Variants in BICC1 observed in about 807,000 individuals in gnomAD.
BICC1 encodes the protein protein bicaudal C homolog 1.
In BICC1, 43 loss-of-function variants were observed where a neutral mutation model predicts 111.0. The observed-to-expected ratio is 0.39, with a 90% CI of 0.30 to 0.50. BICC1 has a LOEUF of 0.50. Among genes scored for constraint, BICC1 ranks in the 20% least tolerant of loss-of-function variants. BICC1 has a pLI of 0.88. For missense variants in BICC1, 1,091 were observed against 1,203.2 expected (o/e 0.91, Z 1.38); for synonymous variants, 467 against 434.4 (o/e 1.07, Z -0.93).
chr10:58,605,692 T>C (rs1219482257), intron 1 of BICC1, among the ~76,000 whole-genome samples: 1 of 152,238 alleles, frequency 6.6e-6, no homozygotes, highest in Non-Finnish European at 1.5e-5. Context: ...ATGCAAATAG[T>C]TGTTATACTG....
intron 1 of BICC1, among the ~76,000 whole-genome samples, chr10:58,553,921 C>A (rs1286524167): frequency 6.6e-6 from 1 of 151,954 alleles, no homozygotes; most frequent in Non-Finnish European, 1.5e-5. Flanking sequence ...AGAGTCTTAA[C>A]TTCTTGGTTA....
chr10:58,625,086 G>A (rs765797877), intron 2 of BICC1, among the ~76,000 whole-genome samples: 8 of 151,868 alleles, frequency 5.3e-5, no homozygotes, highest in South Asian at 2.1e-4. Flanking sequence ...TTTATTCTTC[G>A]GCTCTGACTA....
At chr10:58,597,596 G>A (rs1844859230) in intron 1 of BICC1, among the ~76,000 whole-genome samples, 1 of 152,080 alleles carries the variant, frequency 6.6e-6, no homozygotes. Context: ...ACCCTAGTAA[G>A]CCTGAGGGTA....
intron 1 of BICC1, among the ~76,000 whole-genome samples, chr10:58,564,687 C>G (rs1843703678): frequency 6.6e-6 from 1 of 152,148 alleles, no homozygotes; most frequent in Non-Finnish European, 1.5e-5. Flanking sequence ...CCAAACTAGT[C>G]TGTTGGGATG....
chr10:58,655,142 C>T (rs1162722034), intron 2 of BICC1, among the ~76,000 whole-genome samples: 2 of 141,466 alleles, frequency 1.4e-5, no homozygotes, highest in African/African-American at 5.2e-5. Flanking sequence ...ATTCTTTTGG[C>T]TTAAGATTGC....
At chr10:58,516,372 G>A (rs920010474) in intron 1 of BICC1, among the ~76,000 whole-genome samples, 1 of 152,094 alleles carries the variant, frequency 6.6e-6, no homozygotes, top group Non-Finnish European at 1.5e-5. Flanking sequence ...TAATATATGG[G>A]CAATAGGGTA....
chr10:58,539,380 A>T (rs984427179), intron 1 of BICC1, among the ~76,000 whole-genome samples: 5 of 151,500 alleles, frequency 3.3e-5, no homozygotes, highest in African/African-American at 1.2e-4. Flanking sequence ...TACATTGGAG[A>T]CTCAGAAGGC....
intron 1 of BICC1, among the ~76,000 whole-genome samples, chr10:58,588,151 G>A (rs945658862): frequency 2.0e-5 from 3 of 152,154 alleles, no homozygotes; most frequent in Non-Finnish European, 2.9e-5. Context: ...TATGCTCTAT[G>A]TATCTTATTC....
intron 2 of BICC1, among the ~76,000 whole-genome samples, chr10:58,688,336 C>T (rs902219762): frequency 6.6e-6 from 1 of 152,046 alleles, no homozygotes; most frequent in African/African-American, 2.4e-5. Context: ...ATTTACAAAC[C>T]TTTAGCTAGA....
chr10:58,551,764 C>T (rs1192637783), intron 1 of BICC1, among the ~76,000 whole-genome samples: 20 of 151,970 alleles, frequency 1.3e-4, no homozygotes, highest in Admixed American at 1.2e-3. Flanking sequence ...TTTCTCTGAC[C>T]TTAGGACTTT....
At chr10:58,591,010 T>C (rs1258050251) in intron 1 of BICC1, among the ~76,000 whole-genome samples, 1 of 152,182 alleles carries the variant, frequency 6.6e-6, no homozygotes, top group East Asian at 1.9e-4. Flanking sequence ...CCCCCCTCCC[T>C]TCCCTCAAAG....
At chr10:58,686,456 A>G (rs1193315811) in intron 2 of BICC1, among the ~76,000 whole-genome samples, 1 of 152,060 alleles carries the variant, frequency 6.6e-6, no homozygotes, top group Non-Finnish European at 1.5e-5. Flanking sequence ...ATCCTGAAGA[A>G]TGTTTTCCAA....
chr10:58,692,059 G>C (rs2132412467), intron 2 of BICC1, among the ~76,000 whole-genome samples: 1 of 152,202 alleles, frequency 6.6e-6, no homozygotes, highest in South Asian at 2.1e-4. Context: ...TAGATTCTAA[G>C]GGTTTAAAAA....
chr10:58,683,712 T>G (rs1189575845), intron 2 of BICC1, among the ~76,000 whole-genome samples: 1 of 152,228 alleles, frequency 6.6e-6, no homozygotes, highest in Non-Finnish European at 1.5e-5. Flanking sequence ...CTTGTGATTT[T>G]GCACACAGAT....
intron 3 of BICC1, among the ~76,000 whole-genome samples, chr10:58,770,135 G>A (rs1842583186): frequency 6.6e-6 from 1 of 151,956 alleles, no homozygotes; most frequent in Admixed American, 6.6e-5. Context: ...AAACTCCTTT[G>A]CTATATTTTC....
At chr10:58,664,744 G>A (rs980419164) in intron 2 of BICC1, among the ~76,000 whole-genome samples, 2 of 151,274 alleles carry the variant, frequency 1.3e-5, no homozygotes, top group Admixed American at 1.3e-4. Context: ...TTGAATATTG[G>A]TATTGTGTGT....
At position 58,575,346 on chromosome 10, in the gene BICC1, G is replaced by A. The variant is rs534337653; in HGVS notation, c.191-45509G>A. ...TGGATGACACTCCGCACACTGCTCC[G>A]TGGTTTCAGTGTTCTACCACCCATT... On this transcript the variant is annotated intron_variant, in intron 1 of 20. Coordinates refer to ENST00000373886, the MANE Select transcript of BICC1 (RefSeq NM_001080512.3). Among the ~76,000 whole-genome samples the A allele has an allele frequency of 5.3e-5, 8 of 152,052 alleles. No individual in the cohort carries two copies. In the East Asian group the frequency reaches 5.8e-4, roughly 11 times the overall value.
At chr10:58,703,774 T>G (rs1410805807) in intron 3 of BICC1, among the ~76,000 whole-genome samples, 1 of 152,240 alleles carries the variant, frequency 6.6e-6, no homozygotes, top group African/African-American at 2.4e-5. Flanking sequence ...CTTCTTTCCC[T>G]GTTGTCAGGC....
intron 2 of BICC1, among the ~76,000 whole-genome samples, chr10:58,666,981 A>G (rs1373082691): frequency 2.0e-5 from 3 of 152,150 alleles, no homozygotes; most frequent in African/African-American, 7.2e-5. Context: ...TAAATATATT[A>G]GACATAATGG....
Sources: allele counts gnomAD v4.1 joint callset (sites outside exome capture counted in the v4.1 genomes callset), GRCh38; gene constraint gnomAD v4.1.1; transcripts MANE v1.5; gene names NCBI Gene and HGNC (gene_info 2026-07-23, HGNC 2026-07-21).